The following SPATA13 variants were observed in gnomAD, a reference collection of about 807,000 sequenced individuals.
SPATA13 encodes spermatogenesis-associated protein 13.
A neutral mutation model predicts 104.0 loss-of-function variants in SPATA13; 50 were observed. The ratio of observed to expected loss-of-function variants is 0.48; its 90% CI spans 0.38 to 0.61. SPATA13 has a LOEUF of 0.61. SPATA13 is among the 20% of genes least tolerant of loss of function. SPATA13 has a pLI of 0.00. For missense variants in SPATA13, 1,524 were observed against 1,690.6 expected (o/e 0.90, Z 1.73); for synonymous variants, 606 against 667.5 (o/e 0.91, Z 1.42).
Position 24,241,859 on chromosome 13 carries a change from C to T in SPATA13, c.1654-7618C>T, listed in dbSNP as rs547501111. On this transcript the variant is annotated intron_variant, in intron 2 of 12. Transcript: ENST00000382108. ...CTGAGCCCAGGAGTTTGAGACTAGC[C>T]TGAGCAACATAGTGAGACCCCTATC... 1.6e-3 allele frequency among the ~76,000 whole-genome samples: 243 copies of T among 152,234 alleles called. 1 individual carries two copies. Among genetic ancestry groups the T allele is most frequent in the African/African-American group, 5.5e-3 (229 of 41,534 alleles).
At chr13:24,216,149 G>A (rs577498440) in intron 1 of SPATA13, among the ~76,000 whole-genome samples, 7 of 152,226 alleles carry the variant, frequency 4.6e-5, no homozygotes, top group African/African-American at 7.2e-5. Flanking sequence ...GGTTGGGGAC[G>A]CAGGCAGGGA....
In SPATA13 at chr13:24,051,692, G is replaced by A. The variant is rs1453946500; in HGVS notation, c.-112+33991G>A. Among the ~76,000 whole-genome samples the A allele has an allele frequency of 1.3e-5, 2 of 152,146 alleles. No individual in the cohort carries two copies. The highest frequency in any genetic ancestry group is 3.9e-4 in the East Asian group (2 of 5,180). On this transcript the variant is annotated intron_variant, in intron 3 of 14. Transcript: ENST00000424834. The surrounding 1 kb of genome is among the most constrained non-coding windows in gnomAD (Gnocchi z 4.2). Reference sequence around the variant, plus strand: ...GAAGCTGAGAAGAGATTACACAGAGGAGATGATATGAGGCGAATCTTCAGA... The same window carrying A: ...GAAGCTGAGAAGAGATTACACAGAGAAGATGATATGAGGCGAATCTTCAGA...
chr13:24,155,187 G>A (rs1882223546), intron 3 of SPATA13, among the ~76,000 whole-genome samples: 1 of 152,150 alleles, frequency 6.6e-6, no homozygotes, highest in African/African-American at 2.4e-5. Context: ...AGAAACTAAG[G>A]TTCCAAGCAG....
At position 24,019,939 on chromosome 13, in the gene SPATA13, G is replaced by A. The variant is rs548487571; in HGVS notation, c.-112+2238G>A. On this transcript the variant is annotated intron_variant, in intron 3 of 14. Transcript: ENST00000424834. Reference sequence around the variant, plus strand: ...CCTGGAGTCTTTCTGTGGTTTTCAGGCCAGCCACACCTCTTTGCCCCCATG... The same window carrying A: ...CCTGGAGTCTTTCTGTGGTTTTCAGACCAGCCACACCTCTTTGCCCCCATG... Among the ~76,000 whole-genome samples, 171 of 152,230 alleles carry A rather than the reference G, an allele frequency of 1.1e-3. 3 individuals carry two copies. Among genetic ancestry groups the A allele is most frequent in the African/African-American group, 3.8e-3 (156 of 41,544 alleles).
At position 24,290,615 on chromosome 13, in the gene SPATA13, C is replaced by T. The variant is rs1284114617; in HGVS notation, c.2848-37C>T. On this transcript the variant is annotated intron_variant, in intron 8 of 12. Coordinates refer to ENST00000382108, the MANE Select transcript of SPATA13 (RefSeq NM_001166271.3). Reference sequence around the variant, plus strand: ...CTGTCTTTGTCATGTCCCAGAGGCACCCCAGAAGCTGACGAAGCTGTACTT... The same window carrying T: ...CTGTCTTTGTCATGTCCCAGAGGCATCCCAGAAGCTGACGAAGCTGTACTT... 2.6e-6 allele frequency: 4 copies of T among 1,540,780 alleles called. No individual in the cohort carries two copies. The African/African-American group carries it at 4.1e-5, about 16-fold the overall frequency.
At position 24,249,504 on chromosome 13, in the gene SPATA13, A is replaced by C. The variant is rs865879662; in HGVS notation, c.1681A>C (p.Ser561Arg). 6.3e-7 allele frequency: 1 copy of C among 1,589,926 alleles called. No homozygotes were observed. Among genetic ancestry groups the C allele is most frequent in the African/African-American group, 1.3e-5 (1 of 74,222 alleles). The change falls in exon 3 of 13, where the codon AGC (serine) becomes CGC (arginine). Residue 561 changes from serine (S) to arginine (R), a missense_variant. By Grantham distance (110) the Ser-to-Arg change is moderately radical. This residue lies in a region of SPATA13 where 1,089 missense variants were observed against 1,135.9 expected (regional missense o/e 0.96). Transcript: ENST00000382108. ...CGTCCCTGATGGCCCCTGGAGGCGA[A>C]GCTCATCACAGGATGAGGAAAGGAC... ...EVVPDGPWRR[S>R]SSQDEERTEA...
In SPATA13 at chr13:24,271,150, TGG is replaced by T. The variant is rs1314992867; in HGVS notation, c.2165-12984_2165-12983del. On this transcript the variant is annotated intron_variant, in intron 4 of 12. Transcript: ENST00000382108. ...AGGGTGCTGAGGATAGTTTTAGTTG[TGG>T]ACATAGTCAGTTGAAGAAATTGGTT... Among the ~76,000 whole-genome samples, 3 of 152,016 alleles carry T rather than the reference TGG, an allele frequency of 2.0e-5. No individual in the cohort carries two copies. The East Asian group carries it at 5.8e-4, about 29-fold the overall frequency.
intron 8 of SPATA13, among the ~76,000 whole-genome samples, chr13:24,290,030 C>G (rs990135755): frequency 2.6e-5 from 4 of 152,176 alleles, no homozygotes; most frequent in African/African-American, 7.2e-5. Context: ...TTGTCACAGG[C>G]CTCCTTGTGT....
At chr13:23,988,227 G>A (rs565421799) in intron 2 of SPATA13, among the ~76,000 whole-genome samples, 11 of 152,268 alleles carry the variant, frequency 7.2e-5, no homozygotes, top group South Asian at 4.2e-4. Flanking sequence ...GATTACAGGC[G>A]TGAGCCACTG....
intron 1 of SPATA13, among the ~76,000 whole-genome samples, chr13:24,175,650 A>G (rs1016096375): frequency 6.6e-6 from 1 of 152,212 alleles, no homozygotes; most frequent in Non-Finnish European, 1.5e-5. Flanking sequence ...TTACCAGTTT[A>G]ATTAGACTTA....
chr13:24,018,596 T>C (rs1393789113), intron 3 of SPATA13, among the ~76,000 whole-genome samples: 11 of 152,234 alleles, frequency 7.2e-5, no homozygotes, highest in Admixed American at 7.2e-4. Context: ...TAATAGCCAA[T>C]GATGACACAG....
intron 3 of SPATA13, among the ~76,000 whole-genome samples, chr13:24,142,112 T>G (rs1018614196): frequency 3.2e-4 from 7 of 21,856 alleles, no homozygotes; most frequent in South Asian, 3.9e-3. Flanking sequence ...AGGGAAAGGT[T>G]TTTTTTTTTT....
intron 3 of SPATA13, among the ~76,000 whole-genome samples, chr13:24,130,852 T>C (rs911343501): frequency 1.3e-4 from 20 of 152,226 alleles, no homozygotes; most frequent in Admixed American, 1.1e-3. Flanking sequence ...TTTCTCTCTA[T>C]AGGCTTAACA....
intron 2 of SPATA13, among the ~76,000 whole-genome samples, chr13:23,999,391 C>T (rs1174066084): frequency 2.4e-5 from 1 of 41,144 alleles, no homozygotes; most frequent in South Asian, 5.2e-4. Context: ...AAAAAAAAAG[C>T]CTGTTCGGAT....
intron 1 of SPATA13, among the ~76,000 whole-genome samples, chr13:24,168,129 T>C (rs1232931040): frequency 2.0e-5 from 3 of 152,198 alleles, no homozygotes; most frequent in Non-Finnish European, 4.4e-5. Flanking sequence ...ATTAATTAAA[T>C]CAAACTCCAT....
intron 3 of SPATA13, among the ~76,000 whole-genome samples, chr13:24,106,404 C>G (rs1349368351): frequency 6.6e-6 from 1 of 152,188 alleles, no homozygotes; most frequent in African/African-American, 2.4e-5. Flanking sequence ...AGTTATTTTT[C>G]TCCACACTCA....
chr13:24,252,865 C>T (rs1873571983), intron 4 of SPATA13: 1 of 152,180 alleles, frequency 6.6e-6, no homozygotes, highest in African/African-American at 2.4e-5. Flanking sequence ...GGAGGAGCCA[C>T]CGGAAGGTGT....
At position 24,224,046 on chromosome 13, in the gene SPATA13, A is replaced by G; in HGVS notation, c.1117A>G (p.Ser373Gly). The G allele has an allele frequency of 6.5e-7, 1 of 1,549,538 alleles. No individual in the cohort carries two copies. The highest frequency in any genetic ancestry group is 8.7e-7 in the Non-Finnish European group (1 of 1,145,876). ...CGTCTCCAGGAGCACTGAGCAGGAC[A>G]GCAGGCGGGGCGGGGCGGTCATGCA... ...RRVSRSTEQD[S>G]RRGGAVMHGT... Residue 373 changes from serine to glycine, a missense_variant, in exon 2 of 13, where the codon AGC (serine) becomes GGC (glycine). Physicochemically the swap from Ser to Gly is moderately conservative, Grantham distance 56. This residue lies in a region of SPATA13 where 1,089 missense variants were observed against 1,135.9 expected (regional missense o/e 0.96). Coordinates refer to ENST00000382108, the MANE Select transcript of SPATA13 (RefSeq NM_001166271.3).
At chr13:24,179,410 T>C (rs1868651585) in intron 1 of SPATA13, among the ~76,000 whole-genome samples, 1 of 152,192 alleles carries the variant, frequency 6.6e-6, no homozygotes, top group African/African-American at 2.4e-5. Flanking sequence ...GTATGGGGGC[T>C]CCAGTTTTTA....
Sources: gnomAD v4.1 joint callset for allele counts (sites outside exome capture counted in the v4.1 genomes callset) on GRCh38, gnomAD v4.1.1 for gene constraint, gnomAD v4.1.1 regional missense constraint, Gnocchi (gnomAD v3.1) non-coding constraint, MANE v1.5 for transcripts, NCBI Gene and HGNC (gene_info 2026-07-23, HGNC 2026-07-21) for gene names.